SIPA1L1: variants seen among roughly 807,000 people sequenced by gnomAD.
SIPA1L1 encodes signal-induced proliferation-associated 1-like protein 1.
Under a neutral mutation model 162.7 loss-of-function variants are expected in SIPA1L1, and 26 were observed. That is an observed-to-expected ratio of 0.16 (90% CI 0.12 to 0.22). The LOEUF (loss-of-function observed/expected upper bound fraction) is 0.22. SIPA1L1 is among the 10% of genes least tolerant of loss of function. The pLI is 1.00. For missense variants in SIPA1L1, 1,874 were observed against 2,241.0 expected (o/e 0.84, Z 3.31); for synonymous variants, 829 against 837.4 (o/e 0.99, Z 0.17).
chr14:71,723,789 A>G lies in SIPA1L1; in HGVS notation c.4351A>G (p.Ser1451Gly), dbSNP rs779807076. 6.2e-7 allele frequency: 1 copy of G among 1,614,192 alleles called. No homozygotes were observed. Among genetic ancestry groups the G allele is most frequent in the Non-Finnish European group, 8.5e-7 (1 of 1,180,030 alleles). ...SSSSSSSGPR[S>G]FYPRQGATSK... ...TTCCTCCTCCTCCTCTGGTCCTAGG[A>G]GTTTTTACCCTCGCCAGGGCGCTAC... The change falls in exon 18 of 24, where the codon AGT becomes GGT. Residue 1451 changes from serine to glycine, a missense_variant. This residue lies in a region of SIPA1L1 where 936 missense variants were observed against 1,051.9 expected (regional missense o/e 0.89). Transcript: ENST00000381232.
rs182743239 is a variant in SIPA1L1 at position 71,375,359 on chromosome 14, A to G, written c.-465+54178A>G. Among the ~76,000 whole-genome samples the G allele has an allele frequency of 1.6e-3, 248 of 152,286 alleles. 1 individual carries two copies. Among genetic ancestry groups the G allele is most frequent in the African/African-American group, 5.2e-3 (217 of 41,548 alleles). ...ATATACCAATATCCATCTGCCCATG[A>G]GTGGGATTTAAAGCAAACTTTTATT... is the stretch of plus-strand genomic sequence containing the variant. On this transcript the variant is annotated intron_variant, in intron 2 of 23. Transcript: ENST00000381232.
At chr14:71,444,688 G>A (rs934438792) in intron 2 of SIPA1L1, among the ~76,000 whole-genome samples, 7 of 152,172 alleles carry the variant, frequency 4.6e-5, no homozygotes, top group Admixed American at 2.6e-4. Context: ...GTGTCATGAG[G>A]TGTTTTTGAG....
chr14:71,572,098 C>G (rs930817015), intron 4 of SIPA1L1, among the ~76,000 whole-genome samples: 2 of 152,124 alleles, frequency 1.3e-5, no homozygotes, highest in Non-Finnish European at 1.5e-5. Context: ...TCCTAACTTG[C>G]TAGCTCAGGT....
chr14:71,375,585 T>G (rs1266936607), intron 2 of SIPA1L1, among the ~76,000 whole-genome samples: 1 of 152,182 alleles, frequency 6.6e-6, no homozygotes, highest in African/African-American at 2.4e-5. Context: ...TACACCTCTT[T>G]TTCTTGCTTT....
chr14:71,480,119 G>C (rs1567081709), intron 2 of SIPA1L1, among the ~76,000 whole-genome samples: 1 of 149,202 alleles, frequency 6.7e-6, no homozygotes, highest in East Asian at 2.0e-4. Context: ...GTCTTGCTCT[G>C]TTGCCCAGGC....
chr14:71,436,220 T>C (rs2044366001), intron 2 of SIPA1L1, among the ~76,000 whole-genome samples: 1 of 152,226 alleles, frequency 6.6e-6, no homozygotes, highest in South Asian at 2.1e-4. Context: ...GCTGCTAGTT[T>C]TTTCCAGTGG....
chr14:71,365,802 T>C (rs2038230539), intron 2 of SIPA1L1, among the ~76,000 whole-genome samples: 2 of 151,838 alleles, frequency 1.3e-5, no homozygotes, highest in Admixed American at 6.6e-5. Flanking sequence ...CTTGGCTCAC[T>C]GCAACCTCTA....
At chr14:71,490,735 A>C (rs2049175977) in intron 2 of SIPA1L1, among the ~76,000 whole-genome samples, 1 of 152,154 alleles carries the variant, frequency 6.6e-6, no homozygotes, top group African/African-American at 2.4e-5. Context: ...AGCATTTATC[A>C]TTTTTTCTTT....
At chr14:71,467,866 A>G (rs562413086) in intron 2 of SIPA1L1, among the ~76,000 whole-genome samples, 15 of 151,840 alleles carry the variant, frequency 9.9e-5, no homozygotes, top group Admixed American at 5.3e-4. Flanking sequence ...AAAAAAAAAA[A>G]AAAGAAAGAA....
chr14:71,482,747 A>G (rs2048447774), intron 2 of SIPA1L1, among the ~76,000 whole-genome samples: 1 of 152,160 alleles, frequency 6.6e-6, no homozygotes, highest in Admixed American at 6.5e-5. Flanking sequence ...GGGTTCAAAG[A>G]ATTGACTCCT....
chr14:71,606,439 G>A (rs2037510734), intron 5 of SIPA1L1, among the ~76,000 whole-genome samples: 1 of 152,138 alleles, frequency 6.6e-6, no homozygotes, highest in Admixed American at 6.5e-5. Flanking sequence ...AAGTGCTGTT[G>A]ATCCCTAGGG....
intron 8 of SIPA1L1, among the ~76,000 whole-genome samples, chr14:71,655,509 T>G (rs1174220951): frequency 2.0e-5 from 3 of 152,210 alleles, no homozygotes; most frequent in Non-Finnish European, 4.4e-5. Flanking sequence ...CTGGGTCAAA[T>G]GGTAGTTCTA....
rs779874892 is a variant in SIPA1L1 at position 71,419,480 on chromosome 14, C to CTTTT, written c.-464-93238_-464-93235dup. Among the ~76,000 whole-genome samples the CTTTT allele has an allele frequency of 1.2e-3, 100 of 85,254 alleles. 8 individuals carry two copies. Among genetic ancestry groups the CTTTT allele is most frequent in the African/African-American group, 3.8e-3 (80 of 20,788 alleles). 55.9% of individuals were successfully genotyped at this position (85,254 alleles called of 152,430 possible). A position where few individuals can be genotyped will look rare whatever the true frequency, so the allele number is the denominator to read the frequency against. On this transcript the variant is annotated intron_variant, in intron 2 of 23. Transcript: ENST00000381232. ...TTTGAAAGGCTCAAGGAGGATCTCT[C>CTTTT]TTTTTTTTTTTTTTTTTTTTTTTTT...
intron 2 of SIPA1L1, among the ~76,000 whole-genome samples, chr14:71,382,834 C>T (rs1439118596): frequency 6.6e-6 from 1 of 152,172 alleles, no homozygotes; most frequent in Non-Finnish European, 1.5e-5. Flanking sequence ...ATAGTTTCTG[C>T]TCTTAAAGAG....
chr14:71,426,844 A>G (rs2043606427), intron 2 of SIPA1L1, among the ~76,000 whole-genome samples: 1 of 152,140 alleles, frequency 6.6e-6, no homozygotes, highest in Non-Finnish European at 1.5e-5. Flanking sequence ...TAGTTCAGGC[A>G]CCACCTTTTT....
At chr14:71,560,684 C>A (rs189695507) in intron 4 of SIPA1L1, among the ~76,000 whole-genome samples, 1 of 152,328 alleles carries the variant, frequency 6.6e-6, no homozygotes, top group African/African-American at 2.4e-5. Flanking sequence ...GTGTCCCACA[C>A]CCACCTGAAC....
intron 4 of SIPA1L1, among the ~76,000 whole-genome samples, chr14:71,582,264 G>A (rs1256345300): frequency 1.3e-5 from 2 of 152,106 alleles, no homozygotes; most frequent in Admixed American, 6.5e-5. Flanking sequence ...GAGCCTGGGA[G>A]TTCAAGGCTG....
At chr14:71,629,548 A>G (rs1386796152) in intron 7 of SIPA1L1, among the ~76,000 whole-genome samples, 1 of 152,214 alleles carries the variant, frequency 6.6e-6, no homozygotes, top group East Asian at 1.9e-4. Context: ...TATTCAGTGT[A>G]ATATGTTAAA....
intron 4 of SIPA1L1, among the ~76,000 whole-genome samples, chr14:71,562,002 T>TA (rs1462646954): frequency 6.6e-6 from 1 of 152,228 alleles, no homozygotes; most frequent in Non-Finnish European, 1.5e-5. Flanking sequence ...TGTAAAATGA[T>TA]ACATTCTTGG....
Sources: allele counts gnomAD v4.1 joint callset (sites outside exome capture counted in the v4.1 genomes callset), GRCh38; gene constraint gnomAD v4.1.1; regional missense constraint gnomAD v4.1.1; transcripts MANE v1.5; gene names NCBI Gene and HGNC (gene_info 2026-07-23, HGNC 2026-07-21).